Variants in GRK3 observed in about 807,000 individuals in gnomAD.
GRK3 encodes G protein-coupled receptor kinase 3, also known as adrenergic, beta, receptor kinase 2.
In GRK3, 54 loss-of-function variants were observed where a neutral mutation model predicts 95.7. That is an observed-to-expected ratio of 0.56 (90% CI 0.45 to 0.71). GRK3 has a LOEUF of 0.71. Ranked by LOEUF, GRK3 falls within the 30% of genes least tolerant of loss-of-function variation. GRK3 has a pLI of 0.00. For synonymous variants in GRK3, 281 were observed against 290.8 expected, an observed-to-expected ratio of 0.97 and a Z score of 0.34; for missense variants, 649 against 851.2, an observed-to-expected ratio of 0.76 and a Z score of 2.96.
At chr22:25,595,036 T>C (rs1199972325) in intron 1 of GRK3, among the ~76,000 whole-genome samples, 1 of 152,144 alleles carries the variant, frequency 6.6e-6, no homozygotes, top group African/African-American at 2.4e-5. Context: ...TAATAACAGC[T>C]ATCTATGACA....
At chr22:25,704,246 G>T in intron 15 of GRK3, 37 bp downstream of exon 15, 2 of 1,493,272 alleles carry the variant, frequency 1.3e-6, no homozygotes, top group Non-Finnish European at 1.9e-6. Context: ...ATCTTTACCA[G>T]AAGAGCAAAA....
chr22:25,627,628 A>C (rs1034186249), intron 2 of GRK3, among the ~76,000 whole-genome samples: 4 of 152,216 alleles, frequency 2.6e-5, no homozygotes, highest in African/African-American at 9.6e-5. Context: ...TCATTGAGCC[A>C]ATTAAGTACT....
At chr22:25,576,556 T>C (rs551079891) in intron 1 of GRK3, among the ~76,000 whole-genome samples, 2 of 152,360 alleles carry the variant, frequency 1.3e-5, no homozygotes, top group East Asian at 3.9e-4. Context: ...TTAGAGATTC[T>C]TGGAAATGGC....
intron 16 of GRK3, 80 bp from the exon 17 acceptor site, chr22:25,710,988 G>C: frequency 1.3e-6 from 1 of 761,072 alleles, no homozygotes; most frequent in Non-Finnish European, 2.2e-6. Flanking sequence ...CTCGCACTGT[G>C]CTGTCTTTGT....
intron 1 of GRK3, chr22:25,580,678 C>A (rs996784397): frequency 6.6e-6 from 1 of 152,148 alleles, no homozygotes; most frequent in African/African-American, 2.4e-5. Flanking sequence ...GGATTACAGG[C>A]GACTGCCACC....
intron 2 of GRK3, 49 bp from the exon 3 acceptor site, chr22:25,644,543 A>AATT: frequency 1.1e-6 from 1 of 927,700 alleles, no homozygotes. Flanking sequence ...TTGTGGGATA[A>AATT]AATTTCAATT....
chr22:25,710,686 C>T (rs752950789), intron 16 of GRK3, among the ~76,000 whole-genome samples: 8 of 152,218 alleles, frequency 5.3e-5, no homozygotes, highest in Non-Finnish European at 8.8e-5. Flanking sequence ...CAGATGTGCC[C>T]TGCTCCCTCC....
intron 1 of GRK3, among the ~76,000 whole-genome samples, chr22:25,598,149 TAA>T (rs2146334676): frequency 1.3e-5 from 2 of 152,218 alleles, no homozygotes; most frequent in South Asian, 2.1e-4. Flanking sequence ...CATATGACAA[TAA>T]TAGCACAAAT....
chr22:25,663,650 A>C lies in GRK3; in HGVS notation c.387A>C (p.Val129=). The C allele has an allele frequency of 6.2e-7, 1 of 1,610,250 alleles. No homozygotes were observed. Among genetic ancestry groups the C allele is most frequent in the Non-Finnish European group, 8.5e-7 (1 of 1,178,272 alleles). ...SCSHPFSKQA[V]EHVQSHLSKK... is the part of the protein sequence containing the mutation. ...GATAGCCTTTCTCAAAGCAAGCTGTAGAACACGTACAAAGTCATTTATCCA... is the reference window on the plus strand; with the variant it reads ...GATAGCCTTTCTCAAAGCAAGCTGTCGAACACGTACAAAGTCATTTATCCA... Residue 129 remains valine, a synonymous_variant, in exon 5 of 21, where the codon GTA becomes GTC. Coordinates refer to ENST00000324198, the MANE Select transcript of GRK3 (RefSeq NM_005160.4).
chr22:25,612,129 G>A (rs1045943237), intron 2 of GRK3, among the ~76,000 whole-genome samples: 4 of 152,150 alleles, frequency 2.6e-5, no homozygotes, highest in Non-Finnish European at 5.9e-5. Flanking sequence ...CACCAAGCCC[G>A]GCCTTTAGTG....
intron 2 of GRK3, among the ~76,000 whole-genome samples, chr22:25,609,171 C>G (rs961960833): frequency 3.9e-5 from 6 of 152,050 alleles, no homozygotes; most frequent in African/African-American, 1.4e-4. Context: ...GACTATTTTT[C>G]TTCTTTAAGA....
chr22:25,718,172 T>G, intron 18 of GRK3, 73 bp from the exon 19 acceptor site: 1 of 1,506,452 alleles, frequency 6.6e-7, no homozygotes. Flanking sequence ...TCTGTTCTTT[T>G]TTCAGAGAAT....
chr22:25,712,242 G>A (rs2085349588), intron 17 of GRK3, among the ~76,000 whole-genome samples: 1 of 152,236 alleles, frequency 6.6e-6, no homozygotes, highest in Non-Finnish European at 1.5e-5. Flanking sequence ...AGGTCACAGG[G>A]CTGTGAGGAT....
chr22:25,606,451 A>C (rs1299379147), intron 2 of GRK3, among the ~76,000 whole-genome samples: 1 of 152,158 alleles, frequency 6.6e-6, no homozygotes, highest in Non-Finnish European at 1.5e-5. Flanking sequence ...GCCTGGTCTC[A>C]GGCATTGGGG....
At chr22:25,688,537 T>C (rs540142017) in intron 11 of GRK3, among the ~76,000 whole-genome samples, 1 of 152,314 alleles carries the variant, frequency 6.6e-6, no homozygotes, top group South Asian at 2.1e-4. Context: ...TTACATTGTT[T>C]TGAGATTGCC....
At chr22:25,682,167 T>C in intron 9 of GRK3, among the ~76,000 whole-genome samples, 1 of 152,198 alleles carries the variant, frequency 6.6e-6, no homozygotes, top group East Asian at 1.9e-4. Context: ...TGGTAATGAC[T>C]AGACAGTAAG....
In GRK3 at chr22:25,721,205, C is replaced by CTAACT. The variant is rs1391068906; in HGVS notation, c.1792-77_1792-73dup. The CTAACT allele has an allele frequency of 8.5e-6, 6 of 702,356 alleles. No individual in the cohort carries two copies. The African/African-American group carries it at 1.1e-4, about 13-fold the overall frequency. 43.5% of individuals were successfully genotyped at this position (702,356 alleles called of 1,614,324 possible). On this transcript the variant is annotated intron_variant, in intron 19 of 20. Coordinates refer to ENST00000324198, the MANE Select transcript of GRK3 (RefSeq NM_005160.4). ...AATGTGTTTTCTTTTTTTACTTGTT[C>CTAACT]TAACTTGGTAGTTTTTGGTATTACT...
At chr22:25,606,639 A>C (rs1601468376) in intron 2 of GRK3, among the ~76,000 whole-genome samples, 2 of 150,202 alleles carry the variant, frequency 1.3e-5, no homozygotes, top group South Asian at 2.1e-4. Flanking sequence ...GTTTTGTTTC[A>C]CCCTCTGTCT....
Position 25,718,325 on chromosome 22 carries a change from C to T in GRK3, c.1735C>T (p.Arg579Cys). The T allele has an allele frequency of 1.9e-6, 3 of 1,614,044 alleles. No individual in the cohort carries two copies. The highest frequency in any genetic ancestry group is 2.5e-6 in the Non-Finnish European group (3 of 1,180,004). Residue 579 changes from arginine to cysteine, a missense_variant, in exon 19 of 21, where the codon CGC (arginine) becomes TGC (cysteine). Around this residue, in one of 3 missense-constraint regions of GRK3, gnomAD observed 382 missense variants for 493.8 expected, o/e 0.77. Transcript: ENST00000324198. ...CCCATTTCTGACTCAGTGGCAGCGT[C>T]GCTATTTTTACCTCTTTCCAAATAG... The part of the protein sequence containing the change: ...GNPFLTQWQR[R>C]YFYLFPNRLE...
Sources: gnomAD v4.1 joint callset for allele counts (sites outside exome capture counted in the v4.1 genomes callset) on GRCh38, gnomAD v4.1.1 for gene constraint, gnomAD v4.1.1 regional missense constraint, MANE v1.5 for transcripts, NCBI Gene and HGNC (gene_info 2026-07-23, HGNC 2026-07-21) for gene names.